The following SND1 variants were observed in gnomAD, a reference collection of about 807,000 sequenced individuals.
The protein encoded by SND1 is staphylococcal nuclease and tudor domain containing 1, also known as staphylococcal nuclease domain-containing protein 1.
A neutral mutation model predicts 121.7 loss-of-function variants in SND1; 38 were observed. The observed-to-expected ratio is 0.31, with a 90% CI of 0.24 to 0.41. SND1 has a LOEUF of 0.41. Among genes scored for constraint, SND1 ranks in the 10% least tolerant of loss-of-function variants. SND1 has a pLI of 1.00. For missense variants in SND1, 868 were observed against 1,184.6 expected, an observed-to-expected ratio of 0.73 and a Z score of 3.92; for synonymous variants, 401 against 447.4, an observed-to-expected ratio of 0.90 and a Z score of 1.31.
Position 127,707,609 on chromosome 7 carries a change from G to A in SND1, c.1000G>A (p.Ala334Thr). Residue 334 changes from alanine to threonine, a missense_variant, in exon 9 of 24, where the codon GCT (alanine) becomes ACT (threonine). Transcript: ENST00000354725. ...RIWRDYVAPT[A>T]NLDQKDKQFV... The stretch of plus-strand genomic sequence containing the variant: ...ATGGAGAGACTATGTGGCTCCCACA[G>A]CTAATTTGGACCAAAAGGACAAGCA... 1 of 1,614,140 alleles carries A rather than the reference G, an allele frequency of 6.2e-7. No individual in the cohort carries two copies. Among genetic ancestry groups the A allele is most frequent in the Non-Finnish European group, 8.5e-7 (1 of 1,179,980 alleles).
intron 12 of SND1, among the ~76,000 whole-genome samples, chr7:127,854,154 T>TC (rs1304483359): frequency 6.6e-6 from 1 of 152,166 alleles, no homozygotes; most frequent in East Asian, 1.9e-4. Context: ...AGACACAGTC[T>TC]CACTCTGTTG....
intron 15 of SND1, among the ~76,000 whole-genome samples, chr7:127,932,464 G>A (rs1039998642): frequency 1.3e-5 from 2 of 152,160 alleles, no homozygotes; most frequent in African/African-American, 2.4e-5. Context: ...ATCTAGTCCC[G>A]GCAAAGATGC....
At chr7:127,922,756 A>G (rs1800746278) in intron 14 of SND1, among the ~76,000 whole-genome samples, 1 of 152,144 alleles carries the variant, frequency 6.6e-6, no homozygotes, top group Non-Finnish European at 1.5e-5. Context: ...TAATAATTGT[A>G]ATACTCTCTG....
At chr7:128,016,145 C>CTTT (rs71312836) in intron 16 of SND1, among the ~76,000 whole-genome samples, 1 of 144,244 alleles carries the variant, frequency 6.9e-6, no homozygotes, top group Non-Finnish European at 1.5e-5. Context: ...GAACAACTTC[C>CTTT]TTTTTTTTTT....
At chr7:127,937,185 G>A (rs905050944) in intron 15 of SND1, among the ~76,000 whole-genome samples, 1 of 152,192 alleles carries the variant, frequency 6.6e-6, no homozygotes, top group African/African-American at 2.4e-5. Context: ...AGTGTTAAAG[G>A]TGGTACCGCA....
At chr7:127,688,468 G>A (rs932252008) in intron 2 of SND1, among the ~76,000 whole-genome samples, 7 of 151,522 alleles carry the variant, frequency 4.6e-5, no homozygotes, top group Non-Finnish European at 1.0e-4. Flanking sequence ...AGCACTTTGG[G>A]AGGCTGAGTG....
chr7:127,712,103 T>C (rs1796308396), intron 9 of SND1, among the ~76,000 whole-genome samples: 1 of 152,134 alleles, frequency 6.6e-6, no homozygotes, highest in Non-Finnish European at 1.5e-5. Context: ...GAGAATAAGA[T>C]ATTAAAACAC....
At chr7:127,863,245 C>T (rs1584626371) in intron 12 of SND1, among the ~76,000 whole-genome samples, 1 of 152,142 alleles carries the variant, frequency 6.6e-6, no homozygotes, top group East Asian at 1.9e-4. Flanking sequence ...ACAGCAAGTC[C>T]AGTATCCCAC....
At chr7:127,710,469 C>T (rs1343662197) in intron 9 of SND1, among the ~76,000 whole-genome samples, 1 of 149,798 alleles carries the variant, frequency 6.7e-6, no homozygotes, top group Non-Finnish European at 1.5e-5. Context: ...AAAAAGTCAG[C>T]AATGTTCTTA....
chr7:127,963,252 C>CT (rs56243600), intron 15 of SND1, among the ~76,000 whole-genome samples: 75 of 144,274 alleles, frequency 5.2e-4, no homozygotes, highest in Middle Eastern at 3.6e-3. Flanking sequence ...TATTTCTTTT[C>CT]TTTTTTTTTT....
intron 18 of SND1, among the ~76,000 whole-genome samples, chr7:128,083,230 C>A (rs189662906): frequency 3.3e-5 from 5 of 152,312 alleles, no homozygotes; most frequent in Admixed American, 3.3e-4. Context: ...TCTGTAAGGA[C>A]CTCCCAGAGG....
At chr7:127,713,111 T>G (rs1173120137) in intron 9 of SND1, among the ~76,000 whole-genome samples, 4 of 152,242 alleles carry the variant, frequency 2.6e-5, no homozygotes, top group Non-Finnish European at 5.9e-5. Flanking sequence ...ATTGTAAATA[T>G]TTTAGGCTTG....
intron 12 of SND1, among the ~76,000 whole-genome samples, chr7:127,853,259 T>C (rs192954136): frequency 3.9e-5 from 6 of 152,322 alleles, no homozygotes; most frequent in Admixed American, 3.9e-4. Flanking sequence ...CTGTCTCAAA[T>C]GCTGTGGCCA....
At chr7:127,937,444 A>G (rs1181013261) in intron 15 of SND1, among the ~76,000 whole-genome samples, 1 of 149,688 alleles carries the variant, frequency 6.7e-6, no homozygotes, top group South Asian at 2.1e-4. Flanking sequence ...CCGTCTCCCA[A>G]CCCTTCTCCC....
chr7:127,947,528 A>G (rs1441110546), intron 15 of SND1, among the ~76,000 whole-genome samples: 1 of 151,624 alleles, frequency 6.6e-6, no homozygotes, highest in African/African-American at 2.4e-5. Flanking sequence ...CTGAATGCCA[A>G]CCTGCTGAAT....
chr7:127,754,136 A>T lies in SND1; in HGVS notation c.1152+32736A>T, dbSNP rs904051808. 7.2e-5 allele frequency among the ~76,000 whole-genome samples: 11 copies of T among 152,226 alleles called. No homozygotes were observed. In the South Asian group the frequency reaches 8.3e-4, roughly 11 times the overall value. On this transcript the variant is annotated intron_variant, in intron 10 of 23. Coordinates refer to ENST00000354725, the MANE Select transcript of SND1 (RefSeq NM_014390.4). ...TGAATGTGGTGTGTCATTTTGTGTCACAGTATCTTCTATTTGGAGAATAGA... is the reference window on the plus strand; with the variant it reads ...TGAATGTGGTGTGTCATTTTGTGTCTCAGTATCTTCTATTTGGAGAATAGA...
intron 15 of SND1, among the ~76,000 whole-genome samples, chr7:127,980,366 C>T (rs1308711740): frequency 5.9e-5 from 1 of 16,956 alleles, no homozygotes; most frequent in East Asian, 3.9e-4. Context: ...GTGATCCGCC[C>T]GCCTCGGCCT....
intron 15 of SND1, among the ~76,000 whole-genome samples, chr7:127,979,147 T>A (rs1802199317): frequency 6.6e-6 from 1 of 152,224 alleles, no homozygotes; most frequent in Non-Finnish European, 1.5e-5. Flanking sequence ...ATGAAAGCAG[T>A]CATAGACAGC....
At chr7:127,932,799 C>G (rs1345721925) in intron 15 of SND1, among the ~76,000 whole-genome samples, 1 of 152,174 alleles carries the variant, frequency 6.6e-6, no homozygotes, top group Non-Finnish European at 1.5e-5. Flanking sequence ...TGATCATTAG[C>G]ATTTTTTAAC....
Sources: gnomAD v4.1 joint callset for allele counts (sites outside exome capture counted in the v4.1 genomes callset) on GRCh38, gnomAD v4.1.1 for gene constraint, MANE v1.5 for transcripts, NCBI Gene and HGNC (gene_info 2026-07-23, HGNC 2026-07-21) for gene names.